KIAA0319: variants seen among roughly 807,000 people sequenced by gnomAD.
The protein encoded by KIAA0319 is KIAA0319.
A neutral mutation model predicts 108.4 loss-of-function variants in KIAA0319; 83 were observed. The observed-to-expected ratio is 0.77, with a 90% CI of 0.64 to 0.92. The LOEUF is 0.92. Among genes scored for constraint, KIAA0319 ranks in the 40% least tolerant of loss-of-function variants. The pLI is 0.00. For missense variants in KIAA0319, 1,195 were observed against 1,322.4 expected (o/e 0.90, Z 1.49); for synonymous variants, 484 against 510.4 (o/e 0.95, Z 0.70).
At chr6:24,639,420 C>T (rs1776627879) in intron 1 of KIAA0319, among the ~76,000 whole-genome samples, 1 of 152,160 alleles carries the variant, frequency 6.6e-6, no homozygotes, top group African/African-American at 2.4e-5. Flanking sequence ...TTTATACTCA[C>T]TGTTAGCACT....
chr6:24,598,902 A>G (rs1032744274), intron 2 of KIAA0319: 2 of 389,484 alleles, frequency 5.1e-6, no homozygotes, highest in East Asian at 9.4e-5. Context: ...AAGTAAAAAA[A>G]TAATTTTAGC....
chr6:24,569,830 A>G (rs1764427509), intron 12 of KIAA0319, 73 bp downstream of exon 12: 20 of 1,543,256 alleles, frequency 1.3e-5, no homozygotes. Context: ...TGTTTACTAC[A>G]GATCCTCCAG....
At chr6:24,556,314 G>A (rs1762279849) in intron 18 of KIAA0319, among the ~76,000 whole-genome samples, 2 of 151,838 alleles carry the variant, frequency 1.3e-5, no homozygotes, top group Admixed American at 6.6e-5. Context: ...CTGAGTAGCT[G>A]GGACTACAGG....
chr6:24,611,471 C>T (rs1772306171), intron 1 of KIAA0319, among the ~76,000 whole-genome samples: 1 of 151,904 alleles, frequency 6.6e-6, no homozygotes, highest in African/African-American at 2.4e-5. Flanking sequence ...TGCACTCTAG[C>T]CCGGGCGACA....
At position 24,574,042 on chromosome 6, in the gene KIAA0319, G is replaced by C. The variant is rs191833896; in HGVS notation, c.1735-1344C>G. Among the ~76,000 whole-genome samples, 343 of 152,252 alleles carry C rather than the reference G, an allele frequency of 2.3e-3. 1 individual carries two copies. Among genetic ancestry groups the C allele is most frequent in the Non-Finnish European group, 3.7e-3 (251 of 68,018 alleles). On this transcript the variant is annotated intron_variant, in intron 10 of 20. Coordinates refer to ENST00000378214, the MANE Select transcript of KIAA0319 (RefSeq NM_014809.4). The stretch of plus-strand genomic sequence containing the variant: ...AGACAGAAGAATCACTTGAACTCAG[G>C]GGGTGGAGGTTGCAGTGAGCCAAGA...
At chr6:24,578,442 C>T (rs912561072) in intron 8 of KIAA0319, among the ~76,000 whole-genome samples, 200 bp from the exon 9 acceptor site, 1 of 152,156 alleles carries the variant, frequency 6.6e-6, no homozygotes, top group Non-Finnish European at 1.5e-5. Flanking sequence ...TGGATTTCCA[C>T]CAGATTTGAA....
chr6:24,557,467 C>T (rs1304851101), intron 17 of KIAA0319, among the ~76,000 whole-genome samples: 1 of 152,228 alleles, frequency 6.6e-6, no homozygotes, highest in Non-Finnish European at 1.5e-5. Flanking sequence ...CACACCGCTG[C>T]ACTGCAGCCG....
rs1342828593 is a variant in KIAA0319 at position 24,596,202 on chromosome 6, C to T, written c.472G>A (p.Asp158Asn). 1 of 1,614,072 alleles carries T rather than the reference C, an allele frequency of 6.2e-7. No individual in the cohort carries two copies. The highest frequency in any genetic ancestry group is 2.2e-5 in the East Asian group (1 of 44,886). Reference sequence around the variant, plus strand: ...TCCTTCTCCAGCTCCCGGTAGTCATCTGAGTACTCAGACATCTCCTCTAGG... The same window carrying T: ...TCCTTCTCCAGCTCCCGGTAGTCATTTGAGTACTCAGACATCTCCTCTAGG... ...WGLEEMSEYS[D>N]DYRELEKDLL... Residue 158 changes from aspartate (D) to asparagine (N), a missense_variant, in exon 3 of 21, where the codon GAT becomes AAT. Asp to Asn is a conservative substitution (Grantham distance 23). Coordinates refer to ENST00000378214, the MANE Select transcript of KIAA0319 (RefSeq NM_014809.4).
At chr6:24,564,546 C>T (rs73727985) in intron 14 of KIAA0319, among the ~76,000 whole-genome samples, 2,421 of 152,310 alleles carry the variant, frequency 0.016, 51 homozygotes, top group African/African-American at 0.053. Context: ...GGGGCACATC[C>T]TCAGACAGTA....
chr6:24,625,337 G>A (rs1415643962), intron 1 of KIAA0319, among the ~76,000 whole-genome samples: 1 of 152,042 alleles, frequency 6.6e-6, no homozygotes, highest in Non-Finnish European at 1.5e-5. Context: ...ACTGATTAGG[G>A]ATGGATTTAT....
chr6:24,596,398 C>T lies in KIAA0319; in HGVS notation c.276G>A (p.Lys92=). The part of the protein sequence containing the change: ...CPHKENCEPK[K]MGPIRSYLTF... Reference sequence around the variant, plus strand: ...TGAGATAAGACCTGATGGGGCCCATCTTCTTGGGCTCACAGTTCTCTTTGT... The same window carrying T: ...TGAGATAAGACCTGATGGGGCCCATTTTCTTGGGCTCACAGTTCTCTTTGT... Residue 92 remains lysine (K), a synonymous_variant, in exon 3 of 21, where the codon AAG becomes AAA. Transcript: ENST00000378214. The T allele has an allele frequency of 6.2e-7, 1 of 1,614,232 alleles. No homozygotes were observed. Among genetic ancestry groups the T allele is most frequent in the Non-Finnish European group, 8.5e-7 (1 of 1,180,044 alleles).
Position 24,568,788 on chromosome 6 carries a change from C to G in KIAA0319, c.2133G>C (p.Val711=). 6.2e-7 allele frequency: 1 copy of G among 1,613,972 alleles called. No individual in the cohort carries two copies. The highest frequency in any genetic ancestry group is 8.5e-7 in the Non-Finnish European group (1 of 1,179,970). The change falls in exon 13 of 21, where the codon GTG becomes GTC. Residue 711 remains valine (V), a synonymous_variant. Transcript: ENST00000378214. ...CACCTCAGACCCACTCACCCTTCTT[C>G]ACAGCCACAGTGAGGGTGGACGTGC... ...LSSTSTLTVA[V]KKENNSPPRA...
At chr6:24,543,406 C>A (rs1760280919), downstream of KIAA0319, among the ~76,000 whole-genome samples, 1 of 152,174 alleles carries the variant, frequency 6.6e-6, no homozygotes, top group African/African-American at 2.4e-5. Flanking sequence ...GTGCAGTTTA[C>A]TGTAAGTGAA....
rs537111702 is a variant in KIAA0319, at chr6:24,596,945, TTCCATCCA to T, written c.56-335_56-328del. 1.3e-4 allele frequency among the ~76,000 whole-genome samples: 20 copies of T among 151,546 alleles called. No homozygotes were observed. The South Asian group carries it at 1.9e-3, about 14-fold the overall frequency. On this transcript the variant is annotated intron_variant, in intron 2 of 20. Coordinates refer to ENST00000378214, the MANE Select transcript of KIAA0319 (RefSeq NM_014809.4). Reference sequence around the variant, plus strand: ...TACTCATCCATCTACCCTTCTACTTTTCCATCCATCCATCCATCCATCCATCCACCCTC... The same window carrying T: ...TACTCATCCATCTACCCTTCTACTTTTCCATCCATCCATCCATCCACCCTC...
intron 2 of KIAA0319, among the ~76,000 whole-genome samples, chr6:24,597,507 T>C (rs1178266083): frequency 1.3e-5 from 2 of 152,194 alleles, no homozygotes; most frequent in African/African-American, 4.8e-5. Context: ...AAGATCTTAA[T>C]GCTAAATAAA....
chr6:24,603,544 C>T (rs1341371895), intron 1 of KIAA0319, among the ~76,000 whole-genome samples: 1 of 152,160 alleles, frequency 6.6e-6, no homozygotes, highest in Non-Finnish European at 1.5e-5. Context: ...ATTCCTCCTC[C>T]CTCCACGCAG....
At chr6:24,581,372 A>G (rs1167735932) in intron 6 of KIAA0319, among the ~76,000 whole-genome samples, 3 of 152,204 alleles carry the variant, frequency 2.0e-5, no homozygotes, top group Admixed American at 6.5e-5. Flanking sequence ...TTTGAGAAAC[A>G]CAGCTCCATG....
At chr6:24,591,424 A>C (rs1321514849) in intron 3 of KIAA0319, among the ~76,000 whole-genome samples, 1 of 152,158 alleles carries the variant, frequency 6.6e-6, no homozygotes, top group Non-Finnish European at 1.5e-5. Flanking sequence ...GCTGGGCAAC[A>C]GAGTGAGACT....
intron 1 of KIAA0319, among the ~76,000 whole-genome samples, chr6:24,609,885 T>G (rs1206747355): frequency 1.3e-5 from 2 of 151,738 alleles, no homozygotes; most frequent in African/African-American, 4.8e-5. Context: ...GATACCAACA[T>G]GCAAAAGAAT....
Sources: allele counts gnomAD v4.1 joint callset (sites outside exome capture counted in the v4.1 genomes callset), GRCh38; gene constraint gnomAD v4.1.1; transcripts MANE v1.5; gene names NCBI Gene and HGNC (gene_info 2026-07-23, HGNC 2026-07-21).